PLXNA4: variants seen among roughly 807,000 people sequenced by gnomAD.
PLXNA4 encodes the protein plexin-A4.
In PLXNA4, 44 loss-of-function variants were observed where a neutral mutation model predicts 191.8. That is an observed-to-expected ratio of 0.23 (90% confidence interval 0.18 to 0.29). The LOEUF is 0.29. PLXNA4 is among the 10% of genes least tolerant of loss of function. The pLI is 1.00. For missense variants in PLXNA4, 1,800 were observed against 2,488.8 expected (o/e 0.72, Z 5.89); for synonymous variants, 1,082 against 1,009.5 (o/e 1.07, Z -1.36).
intron 10 of PLXNA4, among the ~76,000 whole-genome samples, chr7:132,203,920 G>C (rs1159935103): frequency 6.6e-6 from 1 of 152,200 alleles, no homozygotes; most frequent in Non-Finnish European, 1.5e-5. Flanking sequence ...CTGGGGAGGG[G>C]TGATCACTTC....
chr7:132,641,752 G>A (rs1803747014), intron 2 of PLXNA4, among the ~76,000 whole-genome samples: 1 of 152,020 alleles, frequency 6.6e-6, no homozygotes, highest in Non-Finnish European at 1.5e-5. Context: ...TGTTTTTTAA[G>A]AGGTATTCTA....
At chr7:132,224,316 A>T (rs1562976629) in intron 8 of PLXNA4, among the ~76,000 whole-genome samples, 2 of 152,070 alleles carry the variant, frequency 1.3e-5, no homozygotes, top group African/African-American at 4.8e-5. Flanking sequence ...CCCACAAGCC[A>T]TTCCTCCCTC....
chr7:132,416,965 T>C lies in PLXNA4; in HGVS notation c.1371+72327A>G, dbSNP rs189807224. On this transcript the variant is annotated intron_variant, in intron 3 of 31. Transcript: ENST00000321063. ...GAAAACATCTCAGCATGTGGAAAAA[T>C]TCAACTGCATTTCAGATTCTAGTTA... 2.6e-5 allele frequency among the ~76,000 whole-genome samples: 4 copies of C among 152,068 alleles called. No individual in the cohort carries two copies. The East Asian group carries it at 5.8e-4, about 22-fold the overall frequency.
rs550291738 is a variant in PLXNA4, at chr7:132,307,463, C to T, written c.1372-9241G>A. Among the ~76,000 whole-genome samples the T allele has an allele frequency of 1.8e-3, 268 of 152,302 alleles. 1 individual carries two copies. Among genetic ancestry groups the T allele is most frequent in the African/African-American group, 6.1e-3 (255 of 41,572 alleles). ...TGCCACAGAGTAGGTGCTCAATAAA[C>T]ATTTGTTGAATAAATGAATGAATGA... is the stretch of plus-strand genomic sequence containing the variant. On this transcript the variant is annotated intron_variant, in intron 3 of 31. Coordinates refer to ENST00000321063, the MANE Select transcript of PLXNA4 (RefSeq NM_020911.2).
chr7:132,289,902 G>A (rs928680486), intron 4 of PLXNA4, among the ~76,000 whole-genome samples: 7 of 151,800 alleles, frequency 4.6e-5, no homozygotes, highest in African/African-American at 1.5e-4. Flanking sequence ...TTTCCTAAAC[G>A]AATGAATGAA....
At chr7:132,591,331 A>T (rs572808457) in intron 2 of PLXNA4, among the ~76,000 whole-genome samples, 2 of 152,244 alleles carry the variant, frequency 1.3e-5, no homozygotes, top group East Asian at 3.9e-4. Context: ...AACAATCTTC[A>T]CCATGGTTCT....
chr7:132,187,893 A>T (rs1796932145), intron 14 of PLXNA4, among the ~76,000 whole-genome samples: 1 of 152,120 alleles, frequency 6.6e-6, no homozygotes, highest in Admixed American at 6.5e-5. Flanking sequence ...GTATGTGTAT[A>T]TATCCCTATA....
chr7:132,146,335 T>C (rs1795432480), intron 28 of PLXNA4, among the ~76,000 whole-genome samples, 175 bp downstream of exon 28: 1 of 152,126 alleles, frequency 6.6e-6, no homozygotes. Flanking sequence ...AGTTCTGGAT[T>C]GAGAAGGATT....
intron 4 of PLXNA4, among the ~76,000 whole-genome samples, chr7:132,287,070 T>G (rs1003071269): frequency 6.6e-6 from 1 of 152,186 alleles, no homozygotes; most frequent in Non-Finnish European, 1.5e-5. Flanking sequence ...AGTCTCACTC[T>G]GTCACCTAAG....
chr7:132,595,308 C>T (rs568472075), intron 2 of PLXNA4, among the ~76,000 whole-genome samples: 61 of 152,222 alleles, frequency 4.0e-4, no homozygotes, highest in Middle Eastern at 6.9e-3. Flanking sequence ...AGCATGGTAT[C>T]CCCAATATTG....
chr7:132,248,038 C>T (rs1799120979), intron 4 of PLXNA4, among the ~76,000 whole-genome samples: 1 of 152,222 alleles, frequency 6.6e-6, no homozygotes, highest in African/African-American at 2.4e-5. Flanking sequence ...TGTGTACTTC[C>T]CCACTTCTTG....
At chr7:132,181,708 T>C (rs1584807170) in intron 17 of PLXNA4, 88 bp from the exon 18 acceptor site, 1 of 1,537,724 alleles carries the variant, frequency 6.5e-7, no homozygotes, top group East Asian at 2.3e-5. Context: ...CTGGATGTCA[T>C]CGGGATAGCA....
chr7:132,363,523 C>T (rs1281447984), intron 3 of PLXNA4, among the ~76,000 whole-genome samples: 1 of 152,194 alleles, frequency 6.6e-6, no homozygotes, highest in Non-Finnish European at 1.5e-5. Context: ...TCGGCATTTC[C>T]TTTCTTTTTA....
At position 132,210,973 on chromosome 7, in the gene PLXNA4, G is replaced by A. The variant is rs1215017216; in HGVS notation, c.2268C>T (p.Asn756=). The A allele has an allele frequency of 6.2e-7, 1 of 1,613,028 alleles. No individual in the cohort carries two copies. The highest frequency in any genetic ancestry group is 1.3e-5 in the African/African-American group (1 of 74,934). ...SEQRVPALRF[N]SSSVQCQNTS... ...TGTTCTGGCACTGTACGCTGGAGCT[G>A]TTGAAGCGCAGGGCGGGCACTCGCT... The change falls in exon 10 of 32, where the codon AAC becomes AAT. Residue 756 remains asparagine, a synonymous_variant. Coordinates refer to ENST00000321063, the MANE Select transcript of PLXNA4 (RefSeq NM_020911.2).
At chr7:132,148,181 T>C (rs1028901989) in intron 26 of PLXNA4, among the ~76,000 whole-genome samples, 182 bp from the exon 27 acceptor site, 3 of 152,122 alleles carry the variant, frequency 2.0e-5, no homozygotes, top group African/African-American at 7.2e-5. Context: ...TACTGACAAG[T>C]ATTCTGTTTT....
rs1384683528 is a variant in PLXNA4 at position 132,128,006 on chromosome 7, A to G, written c.*2473T>C. The G allele has an allele frequency of 6.6e-6, 1 of 151,260 alleles. No individual in the cohort carries two copies. Among genetic ancestry groups the G allele is most frequent in the Non-Finnish European group, 1.5e-5 (1 of 67,840 alleles). 9.4% of individuals were successfully genotyped at this position (151,260 alleles called of 1,614,324 possible). A position where few individuals can be genotyped will look rare whatever the true frequency, so the allele number is the denominator to read the frequency against. ...CTTAACTGTGCAAAAAAAAAAAAAA[A>G]AAATCAAAATGCACTCACTCATACA... On this transcript the variant is annotated 3_prime_UTR_variant, in exon 32 of 32. Coordinates refer to ENST00000321063, the MANE Select transcript of PLXNA4 (RefSeq NM_020911.2).
chr7:132,163,180 G>A (rs1234301729), intron 24 of PLXNA4, among the ~76,000 whole-genome samples: 2 of 152,190 alleles, frequency 1.3e-5, no homozygotes, highest in African/African-American at 4.8e-5. Context: ...AGGGCTGGTT[G>A]GAGATCACTG....
chr7:132,139,381 C>A (rs1008647591), intron 30 of PLXNA4, among the ~76,000 whole-genome samples: 1 of 152,144 alleles, frequency 6.6e-6, no homozygotes, highest in African/African-American at 2.4e-5. Flanking sequence ...TGATAAAGTT[C>A]ATTTTGTCAC....
chr7:132,564,548 G>C (rs542143966), intron 1 of PLXNA4, among the ~76,000 whole-genome samples: 1 of 152,134 alleles, frequency 6.6e-6, no homozygotes, highest in East Asian at 1.9e-4. Context: ...CTATTCCCAC[G>C]TATGTTGTGG....
Sources: gnomAD v4.1 joint callset for allele counts (sites outside exome capture counted in the v4.1 genomes callset) on GRCh38, gnomAD v4.1.1 for gene constraint, MANE v1.5 for transcripts, NCBI Gene and HGNC (gene_info 2026-07-23, HGNC 2026-07-21) for gene names.